The following STIL variants were observed in gnomAD, a reference collection of about 807,000 sequenced individuals.
STIL encodes the protein SCL-interrupting locus protein.
A neutral mutation model predicts 110.1 loss-of-function variants in STIL; 55 were observed. That is an observed-to-expected ratio of 0.50 (90% CI 0.40 to 0.63). STIL has a LOEUF of 0.63. STIL is among the 20% of genes least tolerant of loss of function. The pLI, the probability that STIL is intolerant of heterozygous loss-of-function variation, is 0.00. For synonymous variants in STIL, 481 were observed against 530.0 expected (o/e 0.91, Z 1.27); for missense variants, 1,358 against 1,530.0 (o/e 0.89, Z 1.87).
chr1:47,261,416 A>T (rs1459980412), intron 15 of STIL, among the ~76,000 whole-genome samples: 1 of 151,250 alleles, frequency 6.6e-6, no homozygotes, highest in Non-Finnish European at 1.5e-5. Flanking sequence ...AATAGAAAAT[A>T]AACAAATAAA....
intron 14 of STIL, 59 bp from the exon 15 acceptor site, chr1:47,263,175 T>C: frequency 2.7e-6 from 4 of 1,483,742 alleles, no homozygotes; most frequent in Non-Finnish European, 2.8e-6. Flanking sequence ...AATTGAAATG[T>C]AGTAACTTTA....
chr1:47,285,618 C>T (rs139152397), intron 10 of STIL, among the ~76,000 whole-genome samples: 1,805 of 151,954 alleles, frequency 0.012, 32 homozygotes, highest in African/African-American at 0.041. Flanking sequence ...CCACCAGGCC[C>T]GGCTAATTCT....
In STIL at chr1:47,314,062, T is replaced by A. The variant is rs1646219305; in HGVS notation, c.-70A>T. The stretch of plus-strand genomic sequence containing the variant: ...GCAACTTCCGCGGAGCTGAGGTCTG[T>A]TTGCAGGGTAGGAGCGGGAGCCGGC... On this transcript the variant is annotated 5_prime_UTR_variant, in exon 1 of 17. Coordinates refer to ENST00000371877, the MANE Select transcript of STIL (RefSeq NM_001048166.1). 6.6e-6 allele frequency: 1 copy of A among 152,276 alleles called. No individual in the cohort carries two copies. Among genetic ancestry groups the A allele is most frequent in the African/African-American group, 2.4e-5 (1 of 41,476 alleles). The allele number at this position is 152,276 out of a possible 1,614,324, so 9.4% of individuals were successfully genotyped here. A position where few individuals can be genotyped will look rare whatever the true frequency, so the allele number is the denominator to read the frequency against.
chr1:47,302,200 C>T (rs370457450), intron 4 of STIL, 34 bp downstream of exon 4: 32 of 1,491,772 alleles, frequency 2.1e-5, no homozygotes, highest in African/African-American at 2.8e-5. Flanking sequence ...GGATTACAGG[C>T]GTGAGCACTG....
At chr1:47,294,523 A>G (rs1350874556) in intron 7 of STIL, among the ~76,000 whole-genome samples, 1 of 152,214 alleles carries the variant, frequency 6.6e-6, no homozygotes, top group Non-Finnish European at 1.5e-5. Flanking sequence ...CGCCTCTACA[A>G]AATATACAAA....
At chr1:47,252,959 G>C (rs1050861422) in intron 16 of STIL, among the ~76,000 whole-genome samples, 3 of 151,310 alleles carry the variant, frequency 2.0e-5, no homozygotes, top group Non-Finnish European at 4.4e-5. Context: ...GTCTTGCTCT[G>C]TTGCCCAGTC....
Position 47,251,683 on chromosome 1 carries a change from C to G in STIL, c.3320G>C (p.Gly1107Ala). 3 of 1,614,058 alleles carry G rather than the reference C, an allele frequency of 1.9e-6. No homozygotes were observed. Among genetic ancestry groups the G allele is most frequent in the Non-Finnish European group, 2.5e-6 (3 of 1,180,010 alleles). Residue 1107 changes from glycine (G) to alanine (A), a missense_variant, in exon 17 of 17, where the codon GGG becomes GCG. By Grantham distance (60) the Gly-to-Ala change is moderately conservative (BLOSUM62 0). Coordinates refer to ENST00000371877, the MANE Select transcript of STIL (RefSeq NM_001048166.1). ...LHINTDRSTV[G>A]LSLISPNNMS... ...GTTGTTTGGTGAAATTAAACTAAGC[C>G]CCACTGTGCTTCTGTCTGTATTAAT... is the stretch of plus-strand genomic sequence containing the variant.
chr1:47,265,251 A>AAAAAAAAC (rs1644610198), intron 14 of STIL, among the ~76,000 whole-genome samples: 1 of 148,160 alleles, frequency 6.7e-6, no homozygotes, highest in Non-Finnish European at 1.5e-5. Context: ...AAAAAAAAAA[A>AAAAAAAAC]AAAAAAAAAC....
chr1:47,268,463 A>T (rs534994265), intron 14 of STIL, among the ~76,000 whole-genome samples: 1 of 149,438 alleles, frequency 6.7e-6, no homozygotes, highest in African/African-American at 2.5e-5. Context: ...TAAATACATA[A>T]AATAAAATAG....
At chr1:47,295,021 A>C (rs1645602378) in intron 7 of STIL, among the ~76,000 whole-genome samples, 1 of 152,056 alleles carries the variant, frequency 6.6e-6, no homozygotes, top group African/African-American at 2.4e-5. Flanking sequence ...TCCTGGGCTC[A>C]AGTGATTCTC....
chr1:47,274,793 A>G (rs1644939984), intron 12 of STIL, among the ~76,000 whole-genome samples: 1 of 143,384 alleles, frequency 7.0e-6, no homozygotes, highest in Non-Finnish European at 1.6e-5. Flanking sequence ...GGGCAGGCAG[A>G]TATGTGGAGC....
Position 47,280,535 on chromosome 1 carries a change from T to C in STIL, c.1923A>G (p.Ser641=), listed in dbSNP as rs776871846. The C allele has an allele frequency of 5.6e-6, 9 of 1,614,250 alleles. No homozygotes were observed. Among genetic ancestry groups the C allele is most frequent in the Non-Finnish European group, 7.6e-6 (9 of 1,180,044 alleles). ...DVQSEALQKH[S]LFHPSGCPAL... is the part of the protein sequence containing the mutation. Reference sequence around the variant, plus strand: ...CTGGACATCCACTTGGGTGAAATAATGAATGCTTTTGAAGGGCTTCAGACT... The same window carrying C: ...CTGGACATCCACTTGGGTGAAATAACGAATGCTTTTGAAGGGCTTCAGACT... Residue 641 remains serine (S), a synonymous_variant, in exon 12 of 17, where the codon TCA becomes TCG. Coordinates refer to ENST00000371877, the MANE Select transcript of STIL (RefSeq NM_001048166.1).
At chr1:47,301,353 C>A (rs1455481961) in intron 5 of STIL, among the ~76,000 whole-genome samples, 2 of 152,164 alleles carry the variant, frequency 1.3e-5, no homozygotes, top group Admixed American at 1.3e-4. Flanking sequence ...TTTCTTATCT[C>A]GGTTACACTG....
rs765594858 is a variant in STIL at position 47,289,478 on chromosome 1, C to T, written c.980G>A (p.Arg327Gln). Residue 327 changes from arginine (R) to glutamine (Q), a missense_variant, in exon 9 of 17, where the codon CGG becomes CAG. Transcript: ENST00000371877. ...FPCDGKIPDF[R>Q]FQLLTSKETL... ...TTCCTTACTGGTTAGCAACTGAAACCGAAAGTCAGGTATCTTGCCATCACA... is the reference window on the plus strand; with the variant it reads ...TTCCTTACTGGTTAGCAACTGAAACTGAAAGTCAGGTATCTTGCCATCACA... The T allele has an allele frequency of 4.5e-5, 72 of 1,613,606 alleles. No homozygotes were observed. Among genetic ancestry groups the T allele is most frequent in the Non-Finnish European group, 5.8e-5 (68 of 1,179,858 alleles).
chr1:47,296,451 T>C (rs1645644143), intron 6 of STIL, among the ~76,000 whole-genome samples: 1 of 152,170 alleles, frequency 6.6e-6, no homozygotes, highest in Admixed American at 6.6e-5. Flanking sequence ...GTTATAAGAA[T>C]ACAAAAAACC....
chr1:47,281,202 T>C lies in STIL; in HGVS notation c.1256A>G (p.Lys419Arg). Residue 419 changes from lysine to arginine, a missense_variant, in exon 12 of 17, where the codon AAG becomes AGG. Transcript: ENST00000371877. ...AAGTTCAGGAACTGATGGTTGGATCTTAGAAATCTACAAATAAGAAAGAAA... is the reference window on the plus strand; with the variant it reads ...AAGTTCAGGAACTGATGGTTGGATCCTAGAAATCTACAAATAAGAAAGAAA... ...SPHPVSQKIS[K>R]IQPSVPELSL... The C allele has an allele frequency of 6.2e-7, 1 of 1,611,870 alleles. No homozygotes were observed. The highest frequency in any genetic ancestry group is 8.5e-7 in the Non-Finnish European group (1 of 1,179,490).
chr1:47,267,904 G>A (rs886928204), intron 14 of STIL, among the ~76,000 whole-genome samples: 5 of 151,830 alleles, frequency 3.3e-5, no homozygotes, highest in Non-Finnish European at 7.4e-5. Context: ...CCTAGCCTAC[G>A]ATCCTTATTT....
chr1:47,272,557 T>A (rs1286849417), intron 12 of STIL, among the ~76,000 whole-genome samples: 1 of 151,682 alleles, frequency 6.6e-6, no homozygotes, highest in Non-Finnish European at 1.5e-5. Context: ...CAATCGATCC[T>A]CCCACCTCAG....
chr1:47,256,297 A>ATAGT (rs1215550691), intron 16 of STIL, among the ~76,000 whole-genome samples: 1 of 152,224 alleles, frequency 6.6e-6, no homozygotes, highest in African/African-American at 2.4e-5. Context: ...AGGCCCACTA[A>ATAGT]GTTAGTGGTA....
Sources: gnomAD v4.1 joint callset for allele counts (sites outside exome capture counted in the v4.1 genomes callset) on GRCh38, gnomAD v4.1.1 for gene constraint, MANE v1.5 for transcripts, NCBI Gene and HGNC (gene_info 2026-07-23, HGNC 2026-07-21) for gene names.